The following ABCB5 variants were observed in gnomAD, a reference collection of about 807,000 sequenced individuals.
The protein encoded by ABCB5 is ATP-binding cassette sub-family B member 5.
In ABCB5, 155 loss-of-function variants were observed where a neutral mutation model predicts 144.2. The ratio of observed to expected loss-of-function variants is 1.08; its 90% CI spans 0.94 to 1.23. ABCB5 has a LOEUF of 1.23. Ranked by LOEUF, ABCB5 falls within the 50% of genes most tolerant of loss-of-function variation. The probability of loss-of-function intolerance (pLI) is 0.00; values close to 1 mark genes in which losing one functional copy is unlikely to be tolerated. For missense variants in ABCB5, 1,830 were observed against 1,520.8 expected (o/e 1.20, Z -3.38); for synonymous variants, 610 against 528.6 (o/e 1.15, Z -2.11).
At chr7:20,702,653 G>A (rs913280194) in intron 19 of ABCB5, among the ~76,000 whole-genome samples, 193 of 124,398 alleles carry the variant, frequency 1.6e-3, no homozygotes, top group Non-Finnish European at 1.4e-3. Flanking sequence ...TACATATAAT[G>A]GATTTTTTTT....
intron 13 of ABCB5, among the ~76,000 whole-genome samples, chr7:20,656,604 C>T (rs567616215): frequency 4.0e-4 from 61 of 152,188 alleles, no homozygotes; most frequent in Non-Finnish European, 7.6e-4. Context: ...AAAAGACTAA[C>T]AAATGTAACT....
intron 26 of ABCB5, among the ~76,000 whole-genome samples, chr7:20,751,248 G>A (rs945423017): frequency 2.2e-5 from 3 of 133,818 alleles, no homozygotes; most frequent in African/African-American, 8.8e-5. Context: ...AAACTCTGTG[G>A]TTCTTTGTTA....
At position 20,739,029 on chromosome 7, in the gene ABCB5, C is replaced by T; in HGVS notation, c.2914C>T (p.Leu972Phe). ...TGGAGCTATGGCCATCGGAGAAACG[C>T]TCGTTTTGGCTCCTGAATATTCCAA... ...AYGAMAIGET[L>F]VLAPEYSKAK... Residue 972 changes from leucine to phenylalanine, a missense_variant, in exon 24 of 28, where the codon CTC becomes TTC. Leu to Phe is a conservative substitution (Grantham distance 22). Transcript: ENST00000404938. 3.1e-6 allele frequency: 5 copies of T among 1,611,758 alleles called. No homozygotes were observed. The highest frequency in any genetic ancestry group is 4.2e-6 in the Non-Finnish European group (5 of 1,179,028).
chr7:20,751,049 C>A (rs1382224592), intron 26 of ABCB5, among the ~76,000 whole-genome samples: 1 of 152,154 alleles, frequency 6.6e-6, no homozygotes, highest in Non-Finnish European at 1.5e-5. Context: ...CCAGTGCCTG[C>A]AGGGATTCTC....
intron 14 of ABCB5, among the ~76,000 whole-genome samples, chr7:20,669,762 T>C (rs1212491000): frequency 4.7e-5 from 6 of 128,722 alleles, no homozygotes; most frequent in African/African-American, 2.0e-4. Context: ...CATTCGTAAC[T>C]TTGAGGAAAC....
rs143530905 is a variant in ABCB5 at position 20,681,579 on chromosome 7, C to T, written c.1782C>T (p.Thr594=). The T allele has an allele frequency of 3.5e-5, 56 of 1,613,898 alleles. No individual in the cohort carries two copies. The African/African-American group carries it at 6.3e-4, about 18-fold the overall frequency. Residue 594 remains threonine (T), a synonymous_variant, in exon 15 of 28, where the codon ACC becomes ACT. Transcript: ENST00000404938. ...TTCGAAGTGCAGATTTGATTGTGACCCTAAAGGATGGAATGCTGGCGGAGA... is the reference window on the plus strand; with the variant it reads ...TTCGAAGTGCAGATTTGATTGTGACTCTAAAGGATGGAATGCTGGCGGAGA... ...STIRSADLIV[T]LKDGMLAEKG...
chr7:20,642,531 T>C (rs1007797712), intron 5 of ABCB5, among the ~76,000 whole-genome samples: 1 of 152,188 alleles, frequency 6.6e-6, no homozygotes, highest in Non-Finnish European at 1.5e-5. Context: ...AACCTATTTT[T>C]TTTTCTCCTT....
In ABCB5 at chr7:20,728,443, A is replaced by G. The variant is rs1341205077; in HGVS notation, c.2855A>G (p.Glu952Gly). 1.2e-6 allele frequency: 2 copies of G among 1,614,084 alleles called. No homozygotes were observed. The highest frequency in any genetic ancestry group is 2.2e-5 in the South Asian group (2 of 91,084). Residue 952 changes from glutamate to glycine, a missense_variant, in exon 23 of 28, where the codon GAG becomes GGG. Coordinates refer to ENST00000404938, the MANE Select transcript of ABCB5 (RefSeq NM_001163941.2). ...ATTCAAGCTGGACGAATGACCCCAG[A>G]GGGCATGTTCATGTAAGTCGTGGAA... is the stretch of plus-strand genomic sequence containing the variant. ...YLIQAGRMTP[E>G]GMFIVFTAIA... is the part of the protein sequence containing the mutation.
At chr7:20,623,417 T>C (rs972155749) in intron 2 of ABCB5, 79 bp downstream of exon 2, 3 of 1,203,660 alleles carry the variant, frequency 2.5e-6, no homozygotes, top group Non-Finnish European at 3.5e-6. Flanking sequence ...ATAGCAAAAA[T>C]GTTTATAATT....
At chr7:20,754,775 A>T (rs1420622784) in intron 27 of ABCB5, among the ~76,000 whole-genome samples, 1 of 152,208 alleles carries the variant, frequency 6.6e-6, no homozygotes, top group Non-Finnish European at 1.5e-5. Flanking sequence ...AAATTTGAAT[A>T]GTATTAGAAC....
chr7:20,679,626 A>C (rs952058311), intron 14 of ABCB5, among the ~76,000 whole-genome samples: 2 of 102,370 alleles, frequency 2.0e-5, no homozygotes, highest in Non-Finnish European at 4.4e-5. Context: ...TAATAGAAAA[A>C]TGAGAAAAAA....
intron 14 of ABCB5, chr7:20,667,461 A>T: frequency 1.0e-6 from 1 of 984,968 alleles, no homozygotes; most frequent in Non-Finnish European, 1.2e-6. Flanking sequence ...CAACCTTTTA[A>T]TTGTTTGACT....
At chr7:20,645,626 A>T (rs1027036638) in intron 7 of ABCB5, 130 bp from the exon 8 acceptor site, 2 of 1,173,764 alleles carry the variant, frequency 1.7e-6, no homozygotes, top group Admixed American at 2.8e-5. Flanking sequence ...ACAAATTTTT[A>T]AAAATACAGA....
intron 15 of ABCB5, among the ~76,000 whole-genome samples, chr7:20,682,115 G>A (rs1329437430): frequency 2.0e-5 from 3 of 152,108 alleles, no homozygotes; most frequent in Non-Finnish European, 2.9e-5. Context: ...TGAGGCAAGC[G>A]AATTGCTTGA....
intron 14 of ABCB5, chr7:20,659,979 C>T (rs1249633944): frequency 4.1e-6 from 4 of 985,466 alleles, no homozygotes; most frequent in East Asian, 2.2e-4. Flanking sequence ...TCTCCGCGCC[C>T]GGCCAGTTAC....
intron 26 of ABCB5, among the ~76,000 whole-genome samples, chr7:20,746,498 A>G (rs1782728202): frequency 6.6e-6 from 1 of 152,158 alleles, no homozygotes; most frequent in South Asian, 2.1e-4. Flanking sequence ...ATCCCCTATC[A>G]CTTTGTCTTC....
chr7:20,742,253 G>A (rs529948722), intron 24 of ABCB5, among the ~76,000 whole-genome samples: 2 of 152,150 alleles, frequency 1.3e-5, no homozygotes, highest in South Asian at 2.1e-4. Flanking sequence ...GCACGCTGGT[G>A]GTCCCAGCTA....
At chr7:20,643,668 C>A in intron 7 of ABCB5, 36 bp downstream of exon 7, 1 of 1,607,550 alleles carries the variant, frequency 6.2e-7, no homozygotes, top group Non-Finnish European at 8.5e-7. Context: ...TGAATGGAAG[C>A]AGCAGTGTGG....
At chr7:20,657,804 G>C (rs368345398) in intron 13 of ABCB5, among the ~76,000 whole-genome samples, 1 of 152,224 alleles carries the variant, frequency 6.6e-6, no homozygotes, top group Admixed American at 6.5e-5. Context: ...TAAATGTGAA[G>C]ATCAATCTCT....
Sources: allele counts gnomAD v4.1 joint callset (sites outside exome capture counted in the v4.1 genomes callset), GRCh38; gene constraint gnomAD v4.1.1; transcripts MANE v1.5; gene names NCBI Gene and HGNC (gene_info 2026-07-23, HGNC 2026-07-21).